The following CFAP74 variants were observed in gnomAD, a reference collection of about 807,000 sequenced individuals.
CFAP74 encodes cilia and flagella associated protein 74.
CFAP74 carries 124 observed loss-of-function variants against 188.9 expected under a neutral mutation model. The ratio of observed to expected loss-of-function variants is 0.66; its 90% CI spans 0.57 to 0.76. The LOEUF (loss-of-function observed/expected upper bound fraction) is 0.76, where lower values mean the gene tolerates loss of function less well. Among genes scored for constraint, CFAP74 ranks in the 30% least tolerant of loss-of-function variants. The pLI is 0.00. For missense variants in CFAP74, 2,198 were observed against 2,165.2 expected, an observed-to-expected ratio of 1.02 and a Z score of -0.30; for synonymous variants, 956 against 916.7, an observed-to-expected ratio of 1.04 and a Z score of -0.77.
Position 1,973,471 on chromosome 1 carries a change from G to C in CFAP74, c.675-424C>G, listed in dbSNP as rs3795285. Among the ~76,000 whole-genome samples the C allele has an allele frequency of 6.6e-6, 1 of 152,046 alleles. No homozygotes were observed. The highest frequency in any genetic ancestry group is 2.4e-5 in the African/African-American group (1 of 41,394). On this transcript the variant is annotated intron_variant, in intron 7 of 38. Transcript: ENST00000682832. This position sits in a 1 kb window ranked among gnomAD's most constrained non-coding sequence, Gnocchi z 6.2. The stretch of plus-strand genomic sequence containing the variant: ...TGGGGGAGGGGATGGAGGCCAGAAG[G>C]GGGTCCCGAGGAGAGAGGCTCACGG...
rs1270179024 is a variant in CFAP74 at position 1,968,697 on chromosome 1, T to A, written c.1183A>T (p.Thr395Ser). 1 of 1,613,944 alleles carries A rather than the reference T, an allele frequency of 6.2e-7. No homozygotes were observed. Among genetic ancestry groups the A allele is most frequent in the Non-Finnish European group, 8.5e-7 (1 of 1,179,990 alleles). Residue 395 changes from threonine (T) to serine (S), a missense_variant, in exon 11 of 39, where the codon ACC becomes TCC. Transcript: ENST00000682832. The surrounding 1 kb of genome is among the most constrained non-coding windows in gnomAD (Gnocchi z 4.3). ...ARHRLTLRDK[T>S]WNYISDFCKK... ...CAAAAGTCAGAAATGTAGTTCCAGG[T>A]CTTGTCCCTCAGGGTCAGCCGGTGC...
At position 1,924,537 on chromosome 1, in the gene CFAP74, G is replaced by A. The variant is rs1248060912; in HGVS notation, c.4105-17C>T. 10 of 1,587,978 alleles carry A rather than the reference G, an allele frequency of 6.3e-6. No homozygotes were observed. Among genetic ancestry groups the A allele is most frequent in the Admixed American group, 1.8e-5 (1 of 57,060 alleles). The stretch of plus-strand genomic sequence containing the variant: ...GTTCTGCAGCTGCAGAGAGCAGGCC[G>A]CGGTCACTGCCCGCCAGCCCCTGCC... On this transcript the variant is annotated splice_polypyrimidine_tract_variant and intron_variant, in intron 33 of 38. Coordinates refer to ENST00000682832, the MANE Select transcript of CFAP74 (RefSeq NM_001304360.2).
intron 10 of CFAP74, among the ~76,000 whole-genome samples, chr1:1,969,964 G>A (rs1318522762): frequency 6.6e-6 from 1 of 152,270 alleles, no homozygotes; most frequent in Non-Finnish European, 1.5e-5. Flanking sequence ...TGGTTTGCGT[G>A]GAGGTCACTG....
rs1653820403 is a variant in CFAP74, at chr1:1,947,020, G to C, written c.2211C>G (p.Ser737Arg). 1 of 1,536,052 alleles carries C rather than the reference G, an allele frequency of 6.5e-7. No individual in the cohort carries two copies. Among genetic ancestry groups the C allele is most frequent in the Non-Finnish European group, 8.7e-7 (1 of 1,146,794 alleles). ...CCAGCGTGATCTCCGTCTGCTCTTC[G>C]CTGGGAGGTATCACTGTGGTTAATC... ...PERLTTVIPP[S>R]EEQTEITLGE... The change falls in exon 19 of 39, where the codon AGC becomes AGG. Residue 737 changes from serine (S) to arginine (R), a missense_variant. Coordinates refer to ENST00000682832, the MANE Select transcript of CFAP74 (RefSeq NM_001304360.2).
Position 1,966,528 on chromosome 1 carries a change from T to C in CFAP74, c.1246-2A>G, listed in dbSNP as rs371732380. The C allele has an allele frequency of 7.8e-6, 12 of 1,545,308 alleles. No individual in the cohort carries two copies. The highest frequency in any genetic ancestry group is 1.2e-5 in the South Asian group (1 of 83,078). On this transcript the variant is annotated splice_acceptor_variant, in intron 11 of 38. Coordinates refer to ENST00000682832, the MANE Select transcript of CFAP74 (RefSeq NM_001304360.2). LOFTEE classifies it high-confidence loss of function. ...GGGGCCTGCAGCAGCCTCGTAGTCC[T>C]GCAGTCGGGGAGAGGAACATCGCAA...
chr1:1,956,476 G>A, intron 17 of CFAP74, 144 bp downstream of exon 17: 1 of 945,912 alleles, frequency 1.1e-6, no homozygotes, highest in Non-Finnish European at 1.6e-6. Context: ...TTCTGCTTAG[G>A]CTGATTTGAG....
Position 1,927,840 on chromosome 1 carries a change from G to A in CFAP74, c.3388-94C>T, listed in dbSNP as rs367695456. ...CCTCTGCGGCCAGTGCGGGAACCGC[G>A]GGAGCCGCAGTTGGGATTGAATGTG... On this transcript the variant is annotated intron_variant, in intron 27 of 38. Coordinates refer to ENST00000682832, the MANE Select transcript of CFAP74 (RefSeq NM_001304360.2). The A allele has an allele frequency of 1.0e-3, 1,412 of 1,395,798 alleles. 13 individuals carry two copies. In the African/African-American group the frequency reaches 0.018, roughly 18 times the overall value. 86.5% of individuals were successfully genotyped at this position (1,395,798 alleles called of 1,614,324 possible). A position where few individuals can be genotyped will look rare whatever the true frequency, so the allele number is the denominator to read the frequency against.
At chr1:1,981,372 G>A (rs868577865) in intron 6 of CFAP74, among the ~76,000 whole-genome samples, 3 of 152,122 alleles carry the variant, frequency 2.0e-5, no homozygotes, top group South Asian at 2.1e-4. Context: ...CCTGGAACCC[G>A]GGGACCCTCG....
rs557283015 is a variant in CFAP74, at chr1:1,975,508, C to T, written c.501-1310G>A. 2.6e-5 allele frequency among the ~76,000 whole-genome samples: 4 copies of T among 152,112 alleles called. No homozygotes were observed. Among genetic ancestry groups the T allele is most frequent in the South Asian group, 2.1e-4 (1 of 4,822 alleles). ...CGGGTTCTACTTTCCCTCTCTCGTA[C>T]GCCCACTTGGTTTTGGCATCGAGGT... On this transcript the variant is annotated intron_variant, in intron 6 of 38. Coordinates refer to ENST00000682832, the MANE Select transcript of CFAP74 (RefSeq NM_001304360.2). This position sits in a 1 kb window ranked among gnomAD's most constrained non-coding sequence, Gnocchi z 4.5.
intron 6 of CFAP74, among the ~76,000 whole-genome samples, chr1:1,977,837 A>G (rs545938902): frequency 1.3e-5 from 2 of 152,272 alleles, no homozygotes; most frequent in Admixed American, 1.3e-4. Context: ...ACCCGTTGGA[A>G]AGTTTGTTGT....
At chr1:1,959,267 T>G in intron 15 of CFAP74, 58 bp from the exon 16 acceptor site, 4 of 1,261,778 alleles carry the variant, frequency 3.2e-6, no homozygotes, top group African/African-American at 1.5e-5. Context: ...TGTGTTTTGT[T>G]TTTTTTTTGG....
rs151173116 is a variant in CFAP74 at position 1,990,265 on chromosome 1, C to T, written c.67+625G>A. 6.4e-3 allele frequency among the ~76,000 whole-genome samples: 971 copies of T among 152,078 alleles called. 10 individuals carry two copies. Among genetic ancestry groups the T allele is most frequent in the African/African-American group, 0.016 (668 of 41,446 alleles). On this transcript the variant is annotated intron_variant, in intron 2 of 38. Transcript: ENST00000682832. ...AGGTCACTATCTCAGAAGATTACAGCGGACTTCCGGCAAAACACGGCAAAG... is the reference window on the plus strand; with the variant it reads ...AGGTCACTATCTCAGAAGATTACAGTGGACTTCCGGCAAAACACGGCAAAG...
In CFAP74 at chr1:1,925,891, G is replaced by A. The variant is rs1484824892; in HGVS notation, c.3996C>T (p.Leu1332=). The change falls in exon 33 of 39, where the codon CTC becomes CTT. Residue 1332 remains leucine (L), a synonymous_variant. Transcript: ENST00000682832. ...DIITKRGTLT[L]TLMGTGVASM... ...ACGCCACGCCAGTGCCCATGAGGGT[G>A]AGGGTGAGCGTGCCTCTCTTGGTGA... is the stretch of plus-strand genomic sequence containing the variant. 6.2e-7 allele frequency: 1 copy of A among 1,612,520 alleles called. No homozygotes were observed. Among genetic ancestry groups the A allele is most frequent in the East Asian group, 2.2e-5 (1 of 44,904 alleles).
Position 1,930,328 on chromosome 1 carries a change from T to C in CFAP74, c.3020A>G (p.Lys1007Arg), listed in dbSNP as rs548978974. 2.6e-5 allele frequency: 39 copies of C among 1,521,720 alleles called. No homozygotes were observed. In the South Asian group the frequency reaches 3.0e-4, roughly 12 times the overall value. The allele number at this position is 1,521,720 out of a possible 1,614,324, so 94.3% of individuals were successfully genotyped here. Residue 1007 changes from lysine (K) to arginine (R), a missense_variant, in exon 26 of 39, where the codon AAG (lysine) becomes AGG (arginine). Transcript: ENST00000682832. ...GACGCCTACAGCCCGGCAAGACAGCTTGAAGCACCTGCAAGCAGCAGCATG... is the reference window on the plus strand; with the variant it reads ...GACGCCTACAGCCCGGCAAGACAGCCTGAAGCACCTGCAAGCAGCAGCATG... Reference protein sequence around the residue: ...TCKSEINRCFKLSCRAVGVHP... With the variant: ...TCKSEINRCFRLSCRAVGVHP...
chr1:1,939,451 C>T (rs934036935), intron 24 of CFAP74, 143 bp downstream of exon 24: 10 of 799,078 alleles, frequency 1.3e-5, no homozygotes, highest in South Asian at 3.4e-5. Context: ...TGGGGAGGCC[C>T]AGGTGTGGAG....
chr1:1,927,731 C>G lies in CFAP74; in HGVS notation c.3403G>C (p.Ala1135Pro). 6.5e-7 allele frequency: 1 copy of G among 1,550,034 alleles called. No individual in the cohort carries two copies. Among genetic ancestry groups the G allele is most frequent in the Non-Finnish European group, 8.7e-7 (1 of 1,146,748 alleles). ...METKSFRKNMAPQRKDLHGLS... is the reference protein window; with the variant it reads ...METKSFRKNMPPQRKDLHGLS... ...CCATGCAGGTCCTTCCTCTGGGGGGCCATATTCTTTCGGAACTGTGGGGGG... is the reference window on the plus strand; with the variant it reads ...CCATGCAGGTCCTTCCTCTGGGGGGGCATATTCTTTCGGAACTGTGGGGGG... The change falls in exon 28 of 39, where the codon GCC becomes CCC. Residue 1135 changes from alanine (A) to proline (P), a missense_variant. Physicochemically the swap from Ala to Pro is conservative, Grantham distance 27 (BLOSUM62 -1). Transcript: ENST00000682832.
In CFAP74 at chr1:1,988,464, T is replaced by C. The variant is rs1263341286; in HGVS notation, c.296+48A>G. The C allele has an allele frequency of 3.1e-6, 5 of 1,601,544 alleles. No homozygotes were observed. In the African/African-American group the frequency reaches 5.3e-5, roughly 17 times the overall value. ...CCCCTGCTGCACCCATGTCACGGCC[T>C]GGGGGGCATCAAGAGGTGCAGGTGC... On this transcript the variant is annotated intron_variant, in intron 4 of 38. Coordinates refer to ENST00000682832, the MANE Select transcript of CFAP74 (RefSeq NM_001304360.2).
At chr1:1,971,358 C>CA (rs1656045871) in intron 9 of CFAP74, among the ~76,000 whole-genome samples, 2 of 151,792 alleles carry the variant, frequency 1.3e-5, no homozygotes, top group East Asian at 1.9e-4. Flanking sequence ...CACATGCACA[C>CA]CTGCACACAC....
chr1:1,934,914 TGTTAG>T (rs1652754158), intron 25 of CFAP74, among the ~76,000 whole-genome samples: 1 of 132,698 alleles, frequency 7.5e-6, no homozygotes, highest in African/African-American at 2.9e-5. Context: ...TGTACGTGGG[TGTTAG>T]GTTGTAGGTA....
Sources: gnomAD v4.1 joint callset for allele counts (sites outside exome capture counted in the v4.1 genomes callset) on GRCh38, gnomAD v4.1.1 for gene constraint, Gnocchi (gnomAD v3.1) non-coding constraint, MANE v1.5 for transcripts, NCBI Gene and HGNC (gene_info 2026-07-23, HGNC 2026-07-21) for gene names.